The following THSD4 variants were observed in gnomAD, a reference collection of about 807,000 sequenced individuals.
The protein encoded by THSD4 is thrombospondin type 1 domain containing 4, also known as thrombospondin type-1 domain-containing protein 4.
In THSD4, 69 loss-of-function variants were observed where a neutral mutation model predicts 119.0. The ratio of observed to expected loss-of-function variants is 0.58; its 90% confidence interval spans 0.48 to 0.71. THSD4 has a LOEUF of 0.71. Among genes scored for constraint, THSD4 ranks in the 30% least tolerant of loss-of-function variants. The pLI is 0.00. For synonymous variants in THSD4, 524 were observed against 540.4 expected (o/e 0.97, Z 0.42); for missense variants, 1,393 against 1,391.1 (o/e 1.00, Z -0.02).
chr15:71,723,544 C>T (rs1210251538), intron 8 of THSD4, among the ~76,000 whole-genome samples: 1 of 152,232 alleles, frequency 6.6e-6, no homozygotes, highest in Non-Finnish European at 1.5e-5. Flanking sequence ...ATGTGGTGAG[C>T]ACTATGCTAG....
At chr15:71,135,045 T>G (rs1253243557) in intron 1 of THSD4, among the ~76,000 whole-genome samples, 5 of 145,704 alleles carry the variant, frequency 3.4e-5, no homozygotes, top group Non-Finnish European at 7.5e-5. Context: ...CCATAAAAAA[T>G]GATGAGTTCA....
At position 71,777,251 on chromosome 15, in the gene THSD4, G is replaced by C; in HGVS notation, c.2934G>C (p.Lys978Asn). 1.9e-6 allele frequency: 3 copies of C among 1,614,220 alleles called. No homozygotes were observed. Among genetic ancestry groups the C allele is most frequent in the Non-Finnish European group, 2.5e-6 (3 of 1,180,040 alleles). Reference sequence around the variant, plus strand: ...CTACAGATGAAAACTGCAAGGACAAGTACTACAACTGCAACGTGGTGGTCC... The same window carrying C: ...CTACAGATGAAAACTGCAAGGACAACTACTACAACTGCAACGTGGTGGTCC... The part of the protein sequence containing the change: ...VPEVDENCKD[K>N]YYNCNVVVQA... The change falls in exon 18 of 18, where the codon AAG (lysine) becomes AAC (asparagine). Residue 978 changes from lysine to asparagine, a missense_variant. Lys to Asn is a moderately conservative substitution (Grantham distance 94). Coordinates refer to ENST00000261862, the MANE Select transcript of THSD4 (RefSeq NM_024817.3).
intron 7 of THSD4, among the ~76,000 whole-genome samples, chr15:71,636,183 A>T (rs1053683418): frequency 2.0e-5 from 3 of 152,352 alleles, no homozygotes; most frequent in Admixed American, 6.5e-5. Context: ...GAACTTTGGG[A>T]GGCCGAGGCG....
In THSD4 at chr15:71,170,005, C is replaced by G. The variant is rs188375460; in HGVS notation, c.99+15073C>G. Among the ~76,000 whole-genome samples, 45 of 152,250 alleles carry G rather than the reference C, an allele frequency of 3.0e-4. No individual in the cohort carries two copies. The East Asian group carries it at 7.9e-3, about 27-fold the overall frequency. ...ACTGGCCAACATGGTGAAACCCCAT[C>G]TCTACCAAAAGTACAAACGTTAGCC... On this transcript the variant is annotated intron_variant, in intron 3 of 17. Transcript: ENST00000261862.
intron 7 of THSD4, among the ~76,000 whole-genome samples, chr15:71,653,885 G>C (rs2051139229): frequency 6.6e-6 from 1 of 152,036 alleles, no homozygotes; most frequent in South Asian, 2.1e-4. Context: ...GGCAGTCAGG[G>C]GTAGATTTGG....
At chr15:71,368,169 G>A (rs1336689603) in intron 6 of THSD4, among the ~76,000 whole-genome samples, 4 of 152,024 alleles carry the variant, frequency 2.6e-5, no homozygotes, top group Middle Eastern at 3.4e-3. Flanking sequence ...AGTTCTTTGT[G>A]GATTCTGGAT....
chr15:71,164,478 T>C (rs2043273027), intron 3 of THSD4, among the ~76,000 whole-genome samples: 1 of 151,190 alleles, frequency 6.6e-6, no homozygotes, highest in African/African-American at 2.4e-5. Context: ...CATCCCCATA[T>C]ATAACTAATT....
In THSD4 at chr15:71,560,707, G is replaced by C. The variant is rs375550675; in HGVS notation, c.1153-99823G>C. On this transcript the variant is annotated intron_variant, in intron 7 of 17. Transcript: ENST00000261862. ...TTGTATCATTTCTTTTCTCTGTGTGGGTATGCTCTTATATTTCTTAGGTTC... is the reference window on the plus strand; with the variant it reads ...TTGTATCATTTCTTTTCTCTGTGTGCGTATGCTCTTATATTTCTTAGGTTC... Among the ~76,000 whole-genome samples the C allele has an allele frequency of 1.1e-4, 17 of 152,030 alleles. No homozygotes were observed. The South Asian group carries it at 3.3e-3, about 30-fold the overall frequency.
At chr15:71,602,553 C>CA (rs59370074) in intron 7 of THSD4, among the ~76,000 whole-genome samples, 15,558 of 53,588 alleles carry the variant, frequency 0.29, 2,583 homozygotes, top group Non-Finnish European at 0.34. Context: ...AACTCTGTCT[C>CA]AAAAAAAAAA....
intron 10 of THSD4, among the ~76,000 whole-genome samples, chr15:71,735,644 CTT>C (rs1250567733): frequency 1.3e-5 from 2 of 151,190 alleles, no homozygotes; most frequent in African/African-American, 4.9e-5. Context: ...TGCTGTCTCT[CTT>C]GCTCTCTGTC....
At chr15:71,182,099 T>C (rs2043536172) in intron 3 of THSD4, among the ~76,000 whole-genome samples, 1 of 151,892 alleles carries the variant, frequency 6.6e-6, no homozygotes, top group Non-Finnish European at 1.5e-5. Flanking sequence ...TGAGTGTTCC[T>C]TCTCTATGAC....
At chr15:71,698,733 T>A (rs1343318001) in intron 8 of THSD4, among the ~76,000 whole-genome samples, 1 of 151,506 alleles carries the variant, frequency 6.6e-6, no homozygotes. Context: ...GGAATATTAT[T>A]AAGCCTTAAA....
chr15:71,495,975 G>T (rs772033568), intron 7 of THSD4, among the ~76,000 whole-genome samples: 1 of 152,198 alleles, frequency 6.6e-6, no homozygotes, highest in South Asian at 2.1e-4. Flanking sequence ...GGCAGTCACA[G>T]TTCATGCCAA....
chr15:71,139,481 A>G (rs1230356895), intron 1 of THSD4, among the ~76,000 whole-genome samples: 3 of 152,164 alleles, frequency 2.0e-5, no homozygotes, highest in Non-Finnish European at 4.4e-5. Flanking sequence ...AACTGTTCCA[A>G]TTTGCACTTG....
chr15:71,366,049 T>A (rs1458670072), intron 6 of THSD4, among the ~76,000 whole-genome samples: 1 of 152,078 alleles, frequency 6.6e-6, no homozygotes, highest in Non-Finnish European at 1.5e-5. Context: ...CCCTCCTACT[T>A]GTGTCCCAGG....
At chr15:71,231,221 T>C (rs1312789540) in intron 4 of THSD4, among the ~76,000 whole-genome samples, 1 of 152,164 alleles carries the variant, frequency 6.6e-6, no homozygotes, top group Non-Finnish European at 1.5e-5. Context: ...CTGATGGCAA[T>C]ATCTGGGGCT....
chr15:71,682,383 T>C (rs1255502431), intron 8 of THSD4, among the ~76,000 whole-genome samples: 1 of 152,220 alleles, frequency 6.6e-6, no homozygotes, highest in Non-Finnish European at 1.5e-5. Flanking sequence ...ACGTCACTAG[T>C]ACTCAGATGA....
At chr15:71,602,019 A>G (rs1452490996) in intron 7 of THSD4, among the ~76,000 whole-genome samples, 2 of 152,170 alleles carry the variant, frequency 1.3e-5, no homozygotes, top group Non-Finnish European at 2.9e-5. Context: ...CACATGATGT[A>G]GGAGGTGGGA....
intron 7 of THSD4, among the ~76,000 whole-genome samples, chr15:71,517,673 C>T (rs902485598): frequency 3.9e-5 from 6 of 152,212 alleles, no homozygotes; most frequent in African/African-American, 9.6e-5. Flanking sequence ...CTGCTCAAAC[C>T]TCTGCCTGTC....
Sources: allele counts gnomAD v4.1 joint callset (sites outside exome capture counted in the v4.1 genomes callset), GRCh38; gene constraint gnomAD v4.1.1; transcripts MANE v1.5; gene names NCBI Gene and HGNC (gene_info 2026-07-23, HGNC 2026-07-21).